Variants in SAMTOR observed in about 807,000 individuals in gnomAD.
The protein encoded by SAMTOR is S-adenosylmethionine sensor upstream of mTORC1.
chr7:112,856,796 T>A, the SAMTOR span, among the ~76,000 whole-genome samples: 1 of 152,200 alleles, frequency 6.6e-6, no homozygotes. Flanking sequence ...CCTAAAACAA[T>A]TCTTTTTGAA....
the SAMTOR span, among the ~76,000 whole-genome samples, chr7:112,823,715 T>A: frequency 6.6e-6 from 1 of 152,198 alleles, no homozygotes; most frequent in South Asian, 2.1e-4. Context: ...GTAGGTGGTG[T>A]AGTAGGTTTA....
the SAMTOR span, among the ~76,000 whole-genome samples, chr7:112,897,340 T>C: frequency 2.0e-5 from 3 of 152,196 alleles, no homozygotes; most frequent in Non-Finnish European, 2.9e-5. Context: ...GATAAAAATG[T>C]AGACTTTATC....
the SAMTOR span, among the ~76,000 whole-genome samples, chr7:112,917,209 G>C: frequency 6.6e-6 from 1 of 152,156 alleles, no homozygotes; most frequent in Non-Finnish European, 1.5e-5. Flanking sequence ...CCCCCAGTAG[G>C]GGCAGACTGA....
At chr7:112,902,501 AC>A in the SAMTOR span, among the ~76,000 whole-genome samples, 1 of 150,216 alleles carries the variant, frequency 6.7e-6, no homozygotes. Context: ...AAAGGCCGGC[AC>A]AAAGGATTTT....
chr7:112,889,989 G>A, the SAMTOR span, among the ~76,000 whole-genome samples: 5 of 152,196 alleles, frequency 3.3e-5, no homozygotes, highest in South Asian at 2.1e-4. Context: ...CAGCAGCTAC[G>A]CTAGTCTCAG....
chr7:112,884,421 A>G, the SAMTOR span, among the ~76,000 whole-genome samples: 1 of 152,224 alleles, frequency 6.6e-6, no homozygotes, highest in South Asian at 2.1e-4. Context: ...ACGAGCTTGT[A>G]AAATAAATGC....
At chr7:112,938,508 T>A in the SAMTOR span, among the ~76,000 whole-genome samples, 1 of 152,242 alleles carries the variant, frequency 6.6e-6, no homozygotes, top group Non-Finnish European at 1.5e-5. Context: ...TACCTGTCTG[T>A]ATTCCTTCAC....
the SAMTOR span, among the ~76,000 whole-genome samples, chr7:112,919,960 G>C: frequency 6.6e-6 from 1 of 152,100 alleles, no homozygotes; most frequent in South Asian, 2.1e-4. Context: ...ATAATCAATA[G>C]CTTACCAACC....
the SAMTOR span, among the ~76,000 whole-genome samples, chr7:112,873,830 T>C: frequency 6.6e-6 from 1 of 152,052 alleles, no homozygotes; most frequent in Admixed American, 6.6e-5. Flanking sequence ...CTGTAGTATC[T>C]AGAATCTATA....
chr7:112,864,378 T>C, the SAMTOR span, among the ~76,000 whole-genome samples: 1 of 152,142 alleles, frequency 6.6e-6, no homozygotes, highest in Non-Finnish European at 1.5e-5. Context: ...TACCCCTGAA[T>C]TTAAAAGTTA....
the SAMTOR span, among the ~76,000 whole-genome samples, chr7:112,923,757 G>A: frequency 1.3e-5 from 2 of 151,744 alleles, no homozygotes; most frequent in East Asian, 1.9e-4. Flanking sequence ...TGTTTATTGC[G>A]GCACTATTCA....
At chr7:112,850,214 A>G in the SAMTOR span, among the ~76,000 whole-genome samples, 1 of 152,044 alleles carries the variant, frequency 6.6e-6, no homozygotes, top group Admixed American at 6.5e-5. Context: ...AACAACAACA[A>G]CAACAAAAAA....
the SAMTOR span, among the ~76,000 whole-genome samples, chr7:112,920,395 A>C: frequency 6.6e-6 from 1 of 151,138 alleles, no homozygotes; most frequent in Admixed American, 6.6e-5. Flanking sequence ...GACAAAATTC[A>C]ACAACCCTTC....
At chr7:112,887,278 A>G in the SAMTOR span, among the ~76,000 whole-genome samples, 3 of 151,298 alleles carry the variant, frequency 2.0e-5, no homozygotes, top group Admixed American at 1.3e-4. Context: ...CCAATGTCCT[A>G]CTGGCCTTAG....
the SAMTOR span, among the ~76,000 whole-genome samples, chr7:112,861,532 G>C: frequency 6.6e-6 from 1 of 152,250 alleles, no homozygotes; most frequent in East Asian, 1.9e-4. Context: ...ACATATAGGA[G>C]TTGGCTTCTA....
chr7:112,885,555 T>G, the SAMTOR span, among the ~76,000 whole-genome samples: 12 of 152,280 alleles, frequency 7.9e-5, no homozygotes, highest in Non-Finnish European at 2.9e-5. Context: ...GAGTGACCCT[T>G]ACTCCAGTTC....
the SAMTOR span, among the ~76,000 whole-genome samples, chr7:112,877,426 C>T: frequency 1.3e-5 from 2 of 151,990 alleles, no homozygotes; most frequent in Admixed American, 6.6e-5. Flanking sequence ...TTTGTTTATG[C>T]GGGCTAAATG....
At chr7:112,863,183 G>A in the SAMTOR span, among the ~76,000 whole-genome samples, 1 of 152,258 alleles carries the variant, frequency 6.6e-6, no homozygotes, top group African/African-American at 2.4e-5. Flanking sequence ...AAGCAATGGA[G>A]AAAGAATTCT....
At chr7:112,837,700 A>T in the SAMTOR span, among the ~76,000 whole-genome samples, 1 of 151,940 alleles carries the variant, frequency 6.6e-6, no homozygotes, top group East Asian at 1.9e-4. Context: ...TATATACAGT[A>T]AATTCTGGCT....
Sources: allele counts gnomAD v4.1 joint callset (sites outside exome capture counted in the v4.1 genomes callset), GRCh38; gene constraint gnomAD v4.1.1; transcripts MANE v1.5; gene names NCBI Gene and HGNC (gene_info 2026-07-23, HGNC 2026-07-21).